Variants in FNTB observed in about 807,000 individuals in gnomAD.
FNTB encodes the protein protein farnesyltransferase subunit beta.
Under a neutral mutation model 59.4 loss-of-function variants are expected in FNTB, and 27 were observed. The observed-to-expected ratio is 0.45, with a 90% confidence interval of 0.34 to 0.63. The LOEUF is 0.63. Among genes scored for constraint, FNTB ranks in the 20% least tolerant of loss-of-function variants. The pLI is 0.02. For missense variants in FNTB, 449 were observed against 559.6 expected, an observed-to-expected ratio of 0.80 and a Z score of 1.99; for synonymous variants, 230 against 220.7, an observed-to-expected ratio of 1.04 and a Z score of -0.37.
chr14:65,049,184 T>G (rs2062554141), intron 9 of FNTB, among the ~76,000 whole-genome samples: 1 of 152,034 alleles, frequency 6.6e-6, no homozygotes, highest in Admixed American at 6.6e-5. Flanking sequence ...GTGAGTTACT[T>G]TGTTTTTTTG....
Position 65,054,244 on chromosome 14 carries a change from CT to C in FNTB, c.1068-330del, listed in dbSNP as rs1328256027. Among the ~76,000 whole-genome samples, 5 of 152,112 alleles carry C rather than the reference CT, an allele frequency of 3.3e-5. No individual in the cohort carries two copies. Among genetic ancestry groups the C allele is most frequent in the Non-Finnish European group, 4.4e-5 (3 of 68,030 alleles). On this transcript the variant is annotated intron_variant, in intron 10 of 11. Coordinates refer to ENST00000246166, the MANE Select transcript of FNTB (RefSeq NM_002028.4). This position sits in a 1 kb window ranked among gnomAD's most constrained non-coding sequence, Gnocchi z 4.4. The stretch of plus-strand genomic sequence containing the variant: ...CCTCCTGCTTCAGCCTCCCAAGTAA[CT>C]GGAATTACAGGCATCGGCCACCACA...
chr14:65,018,473 C>T (rs1280355572), intron 4 of FNTB, among the ~76,000 whole-genome samples: 2 of 152,016 alleles, frequency 1.3e-5, no homozygotes, highest in Non-Finnish European at 2.9e-5. Context: ...CAGAAAGATA[C>T]ATGTAGTAGT....
chr14:65,010,451 C>G (rs1310511293), intron 2 of FNTB, among the ~76,000 whole-genome samples: 2 of 152,214 alleles, frequency 1.3e-5, no homozygotes, highest in East Asian at 3.8e-4. Context: ...GTCCCAGCAT[C>G]CTAAGACCCA....
At chr14:65,018,143 A>AACT (rs2139535579) in intron 4 of FNTB, among the ~76,000 whole-genome samples, 1 of 152,054 alleles carries the variant, frequency 6.6e-6, no homozygotes, top group Non-Finnish European at 1.5e-5. Context: ...GGAATTCAAG[A>AACT]CCAGTCTGGG....
chr14:65,027,342 A>C lies in FNTB; in HGVS notation c.375-111A>C. 6.5e-7 allele frequency: 1 copy of C among 1,527,666 alleles called. No homozygotes were observed. Among genetic ancestry groups the C allele is most frequent in the East Asian group, 2.3e-5 (1 of 44,320 alleles). The allele number at this position is 1,527,666 out of a possible 1,614,324, so 94.6% of individuals were successfully genotyped here. A position where few individuals can be genotyped will look rare whatever the true frequency, so the allele number is the denominator to read the frequency against. ...ACAAGTGGGAGGAGAGGTTCCCCTCAACTTTTGAGGGAGTGGGGGATCATT... is the reference window on the plus strand; with the variant it reads ...ACAAGTGGGAGGAGAGGTTCCCCTCCACTTTTGAGGGAGTGGGGGATCATT... On this transcript the variant is annotated intron_variant, in intron 4 of 11. Coordinates refer to ENST00000246166, the MANE Select transcript of FNTB (RefSeq NM_002028.4). This position sits in a 1 kb window ranked among gnomAD's most constrained non-coding sequence, Gnocchi z 5.7.
chr14:64,992,704 G>C (rs1652861692), intron 1 of FNTB, among the ~76,000 whole-genome samples: 1 of 151,674 alleles, frequency 6.6e-6, no homozygotes. Context: ...CTGTAGCCTT[G>C]ACCTCACAGG....
chr14:65,015,459 G>A, intron 3 of FNTB, 166 bp from the exon 4 acceptor site: 1 of 377,942 alleles, frequency 2.6e-6, no homozygotes, highest in Non-Finnish European at 4.7e-6. Flanking sequence ...TCAGCTCCTG[G>A]CTAAGGCCAC....
At chr14:65,002,857 T>G (rs1364788062) in intron 1 of FNTB, among the ~76,000 whole-genome samples, 1 of 152,178 alleles carries the variant, frequency 6.6e-6, no homozygotes, top group Admixed American at 6.5e-5. Context: ...AGGCAGATCC[T>G]GTTCCTTTGT....
rs1482132709 is a variant in FNTB at position 65,045,434 on chromosome 14, G to A, written c.955+991G>A. On this transcript the variant is annotated intron_variant, in intron 9 of 11. Transcript: ENST00000246166. ...GTCTTCCCCCCTCCCCGCCGCCCCC[G>A]AGATGGAGTCGTGCTCTGTCTCCCA... 1.4e-3 allele frequency among the ~76,000 whole-genome samples: 14 copies of A among 10,052 alleles called. 1 individual carries two copies. The South Asian group carries it at 0.033, about 24-fold the overall frequency. The allele number at this position is 10,052 out of a possible 152,430, so 6.6% of individuals were successfully genotyped here.
intron 4 of FNTB, among the ~76,000 whole-genome samples, chr14:65,017,692 C>T (rs1004518472): frequency 5.9e-5 from 9 of 152,136 alleles, no homozygotes; most frequent in Admixed American, 3.3e-4. Context: ...TGGTGGCTCA[C>T]GCCTGTAATC....
chr14:65,016,802 T>C (rs1345482834), intron 4 of FNTB, among the ~76,000 whole-genome samples: 1 of 152,104 alleles, frequency 6.6e-6, no homozygotes, highest in East Asian at 1.9e-4. Flanking sequence ...GAGAGGCAAG[T>C]GCATTGTTTT....
At chr14:65,000,724 G>A (rs1888561886) in intron 1 of FNTB, among the ~76,000 whole-genome samples, 1 of 149,444 alleles carries the variant, frequency 6.7e-6, no homozygotes, top group Admixed American at 6.8e-5. Context: ...GGAGGCTGAG[G>A]CAGAAGAATC....
chr14:65,024,410 C>T (rs2061943285), intron 4 of FNTB, among the ~76,000 whole-genome samples: 1 of 152,146 alleles, frequency 6.6e-6, no homozygotes, highest in Non-Finnish European at 1.5e-5. Flanking sequence ...ATCTGAATCA[C>T]CTGAGAATTT....
rs2062067057 is a variant in FNTB, at chr14:65,030,831, GGA to G, written c.606-1777_606-1776del. Among the ~76,000 whole-genome samples the G allele has an allele frequency of 6.6e-6, 1 of 152,128 alleles. No homozygotes were observed. Among genetic ancestry groups the G allele is most frequent in the African/African-American group, 2.4e-5 (1 of 41,430 alleles). On this transcript the variant is annotated intron_variant, in intron 6 of 11. Transcript: ENST00000246166. The surrounding 1 kb of genome is among the most constrained non-coding windows in gnomAD (Gnocchi z 4.5). ...CTTTTTGTTTGTTTTGTTTTGAGATGGAGTTTCTTTCTGTTGCCCAGGCAGGA... is the reference window on the plus strand; with the variant it reads ...CTTTTTGTTTGTTTTGTTTTGAGATGGTTTCTTTCTGTTGCCCAGGCAGGA...
chr14:65,012,134 A>T lies in FNTB; in HGVS notation c.210-183A>T. On this transcript the variant is annotated intron_variant, in intron 2 of 11. Transcript: ENST00000246166. This position sits in a 1 kb window ranked among gnomAD's most constrained non-coding sequence, Gnocchi z 5.0. ...CAGATGCTTTAGAGACATTCAGACA[A>T]GAGCTTCTTTTCTCTGGTTTAGTTG... The T allele has an allele frequency of 1.6e-6, 1 of 621,940 alleles. No individual in the cohort carries two copies. The highest frequency in any genetic ancestry group is 2.0e-5 in the South Asian group (1 of 50,826). 38.5% of individuals were successfully genotyped at this position (621,940 alleles called of 1,614,324 possible).
At chr14:65,049,833 C>T (rs2062566745) in intron 9 of FNTB, among the ~76,000 whole-genome samples, 1 of 152,018 alleles carries the variant, frequency 6.6e-6, no homozygotes, top group African/African-American at 2.4e-5. Flanking sequence ...CACAACTTAC[C>T]TATTCAGTTG....
chr14:65,016,881 C>T (rs2061783337), intron 4 of FNTB, among the ~76,000 whole-genome samples: 2 of 149,844 alleles, frequency 1.3e-5, no homozygotes, highest in Non-Finnish European at 2.9e-5. Context: ...ACAGTTTCTG[C>T]AGTAACAGGA....
At position 65,061,715 on chromosome 14, in the gene FNTB, T is replaced by C. The variant is rs1242369706; in HGVS notation, c.*403T>C. On this transcript the variant is annotated 3_prime_UTR_variant, in exon 12 of 12. Transcript: ENST00000246166. ...AGTCACCAGACTGGGTGCCCTCCGATGGGTGGAATAAGTCTGCTTCATGCC... is the reference window on the plus strand; with the variant it reads ...AGTCACCAGACTGGGTGCCCTCCGACGGGTGGAATAAGTCTGCTTCATGCC... 5.4e-6 allele frequency: 1 copy of C among 184,446 alleles called. No individual in the cohort carries two copies. Among genetic ancestry groups the C allele is most frequent in the African/African-American group, 2.3e-5 (1 of 43,458 alleles). 11.4% of individuals were successfully genotyped at this position (184,446 alleles called of 1,614,324 possible).
At position 65,011,307 on chromosome 14, in the gene FNTB, T is replaced by G. The variant is rs1045289070; in HGVS notation, c.210-1010T>G. Among the ~76,000 whole-genome samples the G allele has an allele frequency of 5.9e-5, 9 of 151,906 alleles. No homozygotes were observed. The highest frequency in any genetic ancestry group is 2.2e-4 in the African/African-American group (9 of 41,336). On this transcript the variant is annotated intron_variant, in intron 2 of 11. Coordinates refer to ENST00000246166, the MANE Select transcript of FNTB (RefSeq NM_002028.4). This position sits in a 1 kb window ranked among gnomAD's most constrained non-coding sequence, Gnocchi z 4.0. ...AGCTGGGTGTGGTGGCACGTGCCTGTAATCCCAGCTACTCAGGTGGCTGAG... is the reference window on the plus strand; with the variant it reads ...AGCTGGGTGTGGTGGCACGTGCCTGGAATCCCAGCTACTCAGGTGGCTGAG...
Sources: allele counts gnomAD v4.1 joint callset (sites outside exome capture counted in the v4.1 genomes callset), GRCh38; gene constraint gnomAD v4.1.1; non-coding constraint Gnocchi (gnomAD v3.1); transcripts MANE v1.5; gene names NCBI Gene and HGNC (gene_info 2026-07-23, HGNC 2026-07-21).